Variants in GYS2 observed in about 807,000 individuals in gnomAD.
GYS2 encodes the protein glycogen synthase 2.
A neutral mutation model predicts 85.6 loss-of-function variants in GYS2; 80 were observed. The observed-to-expected ratio is 0.93, with a 90% CI of 0.78 to 1.13. The LOEUF (loss-of-function observed/expected upper bound fraction) is 1.13, where lower values mean the gene tolerates loss of function less well. Ranked by LOEUF, GYS2 falls within the 50% of genes most tolerant of loss-of-function variation. The probability of loss-of-function intolerance (pLI) is 0.00; values close to 1 mark genes in which losing one functional copy is unlikely to be tolerated. For synonymous variants in GYS2, 328 were observed against 300.7 expected, an observed-to-expected ratio of 1.09 and a Z score of -0.94; for missense variants, 881 against 854.9, an observed-to-expected ratio of 1.03 and a Z score of -0.38.
At chr12:21,598,769 C>A (rs1039733875) in intron 1 of GYS2, among the ~76,000 whole-genome samples, 1 of 152,062 alleles carries the variant, frequency 6.6e-6, no homozygotes, top group East Asian at 1.9e-4. Flanking sequence ...AATGAATGAT[C>A]GTTTTACCAC....
Position 21,561,242 on chromosome 12 carries a change from GA to G in GYS2, c.1063-751del, listed in dbSNP as rs1480709766. Among the ~76,000 whole-genome samples, 7 of 152,314 alleles carry G rather than the reference GA, an allele frequency of 4.6e-5. No homozygotes were observed. The South Asian group carries it at 1.5e-3, about 32-fold the overall frequency. On this transcript the variant is annotated intron_variant, in intron 7 of 15. Transcript: ENST00000261195. ...CCTATAACAGGTTAGTGCCAAAGCT[GA>G]CATTTAAACTGCTGGCTTAGCATCT...
At chr12:21,538,031 C>T (rs1943930649) in intron 15 of GYS2, among the ~76,000 whole-genome samples, 1 of 152,164 alleles carries the variant, frequency 6.6e-6, no homozygotes, top group Non-Finnish European at 1.5e-5. Context: ...CTGAGTTCTG[C>T]ACTTGAGACC....
intron 1 of GYS2, among the ~76,000 whole-genome samples, chr12:21,599,963 T>C (rs1204742389): frequency 6.6e-6 from 1 of 152,154 alleles, no homozygotes; most frequent in Non-Finnish European, 1.5e-5. Flanking sequence ...GTAGATTTTA[T>C]ATATGGAGAA....
At chr12:21,598,500 A>G (rs1434802412) in intron 1 of GYS2, among the ~76,000 whole-genome samples, 4 of 151,494 alleles carry the variant, frequency 2.6e-5, no homozygotes, top group African/African-American at 9.7e-5. Context: ...CCATATTTTT[A>G]CCTCGGTTTT....
intron 1 of GYS2, among the ~76,000 whole-genome samples, chr12:21,594,648 T>C (rs1944675937): frequency 2.0e-5 from 3 of 152,172 alleles, no homozygotes; most frequent in Non-Finnish European, 4.4e-5. Context: ...GAAAAATTAA[T>C]ATTGTTAAAA....
chr12:21,546,422 T>C lies in GYS2; in HGVS notation c.1471A>G (p.Met491Val). Residue 491 changes from methionine to valine, a missense_variant, in exon 12 of 16, where the codon ATG (methionine) becomes GTG (valine). Met to Val is a conservative substitution (Grantham distance 21, BLOSUM62 1). Coordinates refer to ENST00000261195, the MANE Select transcript of GYS2 (RefSeq NM_021957.4). Reference protein sequence around the residue: ...FLSSTSPLLPMDYEEFVRGCH... With the variant: ...FLSSTSPLLPVDYEEFVRGCH... ...CCTCTAACAAACTCTTCATAGTCCA[T>C]GGGTAGTAAGGGACTGGTGGAGGAT... 6.3e-7 allele frequency: 1 copy of C among 1,595,246 alleles called. No individual in the cohort carries two copies. Among genetic ancestry groups the C allele is most frequent in the South Asian group, 1.1e-5 (1 of 90,508 alleles).
intron 11 of GYS2, among the ~76,000 whole-genome samples, chr12:21,552,334 G>A (rs1354409672): frequency 6.6e-6 from 1 of 152,200 alleles, no homozygotes; most frequent in Non-Finnish European, 1.5e-5. Flanking sequence ...ACGTAGCTAA[G>A]GCAAAATGAT....
At position 21,547,440 on chromosome 12, in the gene GYS2, A is replaced by G. The variant is rs193070536; in HGVS notation, c.1423-970T>C. On this transcript the variant is annotated intron_variant, in intron 11 of 15. Transcript: ENST00000261195. ...AGACAATGGAATATTATTTAGTGCT[A>G]AAAAGAAATGAGCTATCAAGCCATG... is the stretch of plus-strand genomic sequence containing the variant. Among the ~76,000 whole-genome samples the G allele has an allele frequency of 3.2e-3, 483 of 152,284 alleles. 4 individuals carry two copies. Among genetic ancestry groups the G allele is most frequent in the Middle Eastern group, 6.8e-3 (2 of 294 alleles).
chr12:21,582,570 T>TATAGATATAGAG (rs879454286), intron 1 of GYS2, among the ~76,000 whole-genome samples: 52 of 146,528 alleles, frequency 3.5e-4, no homozygotes, highest in African/African-American at 1.3e-3. Context: ...CTCATATAGA[T>TATAGATATAGAG]ATAGATATAG....
At chr12:21,601,338 G>A (rs747133417) in intron 1 of GYS2, among the ~76,000 whole-genome samples, 10 of 151,932 alleles carry the variant, frequency 6.6e-5, no homozygotes, top group Non-Finnish European at 1.3e-4. Context: ...TAGAATTTCA[G>A]TGACTCCTCA....
At chr12:21,559,512 T>C in intron 9 of GYS2, 139 bp downstream of exon 9, 2 of 670,540 alleles carry the variant, frequency 3.0e-6, no homozygotes, top group Non-Finnish European at 5.3e-6. Flanking sequence ...AAAATACTGT[T>C]CACATGACAT....
chr12:21,538,315 G>A (rs984232820), intron 15 of GYS2, among the ~76,000 whole-genome samples: 2 of 152,174 alleles, frequency 1.3e-5, no homozygotes, highest in Non-Finnish European at 2.9e-5. Flanking sequence ...GATATAGGTG[G>A]AATATAAGTC....
chr12:21,539,145 C>T (rs560825290), intron 15 of GYS2, 113 bp downstream of exon 15: 2 of 703,748 alleles, frequency 2.8e-6, no homozygotes, highest in South Asian at 3.3e-5. Context: ...TTTGATTCAA[C>T]ATTATGAAAA....
Position 21,563,328 on chromosome 12 carries a change from C to T in GYS2, c.841G>A (p.Gly281Ser), listed in dbSNP as rs767722149. ...KRKPDVVTPN[G>S]LNVKKFSAVH... ...GCTGAAAATTTCTTAACATTCAAGC[C>T]GTTTGGAGTAACTACATCTAGAAAG... The change falls in exon 6 of 16, where the codon GGC (glycine) becomes AGC (serine). Residue 281 changes from glycine (G) to serine (S), a missense_variant. By Grantham distance (56) the Gly-to-Ser change is moderately conservative. Transcript: ENST00000261195. 6.9e-6 allele frequency: 11 copies of T among 1,592,754 alleles called. 1 individual carries two copies. Among genetic ancestry groups the T allele is most frequent in the South Asian group, 2.2e-5 (2 of 90,608 alleles).
intron 11 of GYS2, among the ~76,000 whole-genome samples, chr12:21,547,851 G>A (rs1462811362): frequency 6.6e-6 from 1 of 152,132 alleles, no homozygotes; most frequent in African/African-American, 2.4e-5. Context: ...CTATGCATGG[G>A]AAGGGCCAGA....
chr12:21,591,130 A>T (rs1337836338), intron 1 of GYS2, among the ~76,000 whole-genome samples: 3 of 152,140 alleles, frequency 2.0e-5, no homozygotes, highest in Non-Finnish European at 4.4e-5. Context: ...TCAGCAACAT[A>T]AGCCAGTGGA....
intron 4 of GYS2, 49 bp downstream of exon 4, chr12:21,574,095 G>T: frequency 7.2e-7 from 1 of 1,379,600 alleles, no homozygotes; most frequent in Non-Finnish European, 1.0e-6. Context: ...TTCAGCTTCA[G>T]CAATCTGAAA....
At chr12:21,542,649 C>T (rs1943992659) in intron 12 of GYS2, 58 bp from the exon 13 acceptor site, 6 of 1,128,836 alleles carry the variant, frequency 5.3e-6, no homozygotes, top group African/African-American at 3.0e-5. Flanking sequence ...TCCTTGTATG[C>T]ACTCAGAGGA....
intron 12 of GYS2, among the ~76,000 whole-genome samples, chr12:21,545,550 A>T (rs1944028732): frequency 6.6e-6 from 1 of 152,260 alleles, no homozygotes; most frequent in Non-Finnish European, 1.5e-5. Context: ...TTGCATTGGC[A>T]TGTATTTAAA....
Sources: gnomAD v4.1 joint callset for allele counts (sites outside exome capture counted in the v4.1 genomes callset) on GRCh38, gnomAD v4.1.1 for gene constraint, MANE v1.5 for transcripts, NCBI Gene and HGNC (gene_info 2026-07-23, HGNC 2026-07-21) for gene names.